The following NWD2 variants were observed in gnomAD, a reference collection of about 807,000 sequenced individuals.
NWD2 encodes the protein NACHT and WD repeat domain containing 2, also known as NACHT and WD repeat domain-containing protein 2.
In NWD2, 37 loss-of-function variants were observed where a neutral mutation model predicts 132.7. The ratio of observed to expected loss-of-function variants is 0.28; its 90% CI spans 0.21 to 0.37. The LOEUF (loss-of-function observed/expected upper bound fraction) is 0.37, where lower values mean the gene tolerates loss of function less well. Ranked by LOEUF, NWD2 falls within the 10% of genes least tolerant of loss-of-function variation. NWD2 has a pLI of 1.00. For synonymous variants in NWD2, 705 were observed against 803.0 expected (o/e 0.88, Z 2.06); for missense variants, 1,592 against 2,122.4 (o/e 0.75, Z 4.91).
chr4:37,339,178 A>G (rs1032676535), intron 2 of NWD2, among the ~76,000 whole-genome samples: 1 of 152,198 alleles, frequency 6.6e-6, no homozygotes, highest in African/African-American at 2.4e-5. Context: ...AGCATGTTAC[A>G]TCATCCTTCT....
chr4:37,330,080 C>T (rs1044416698), intron 2 of NWD2, among the ~76,000 whole-genome samples: 29 of 152,266 alleles, frequency 1.9e-4, no homozygotes, highest in South Asian at 2.1e-4. Context: ...TAAATTAATA[C>T]GCATTTTAAG....
chr4:37,347,389 G>T (rs1237029861), intron 2 of NWD2, among the ~76,000 whole-genome samples: 1 of 151,904 alleles, frequency 6.6e-6, no homozygotes, highest in Non-Finnish European at 1.5e-5. Context: ...TCCCTTTATT[G>T]AATGTAGGAT....
At chr4:37,348,444 C>T (rs1195526206) in intron 2 of NWD2, among the ~76,000 whole-genome samples, 3 of 151,774 alleles carry the variant, frequency 2.0e-5, no homozygotes, top group Non-Finnish European at 2.9e-5. Flanking sequence ...GCAGAGAAGA[C>T]ATGAGGCCCT....
At position 37,356,441 on chromosome 4, in the gene NWD2, C is replaced by A. The variant is rs897015228; in HGVS notation, c.316C>A (p.Leu106Met). Residue 106 changes from leucine (L) to methionine (M), a missense_variant, in exon 3 of 7, where the codon CTG (leucine) becomes ATG (methionine). By Grantham distance (15) the Leu-to-Met change is conservative. Coordinates refer to ENST00000309447, the MANE Select transcript of NWD2 (RefSeq NM_001144990.2). ...GCTCCAGAAGACCCGCATGAAGCTG[C>A]TGGAGAATTGCTTGAAAACTTCTGC... ...PELQKTRMKL[L>M]ENCLKTSAGP... 28 of 1,551,382 alleles carry A rather than the reference C, an allele frequency of 1.8e-5. No individual in the cohort carries two copies. Among genetic ancestry groups the A allele is most frequent in the Non-Finnish European group, 2.4e-5 (28 of 1,146,824 alleles).
At chr4:37,303,834 G>GT (rs571973137) in intron 1 of NWD2, among the ~76,000 whole-genome samples, 1 of 152,242 alleles carries the variant, frequency 6.6e-6, no homozygotes, top group East Asian at 1.9e-4. Flanking sequence ...ATTTAATAGA[G>GT]TTTTTTGTCT....
chr4:37,442,333 C>T (rs1468998210), intron 6 of NWD2, among the ~76,000 whole-genome samples: 1 of 152,156 alleles, frequency 6.6e-6, no homozygotes, highest in Non-Finnish European at 1.5e-5. Context: ...CATATTTCTT[C>T]TTATATTGAC....
At chr4:37,361,695 G>A (rs1228040341) in intron 3 of NWD2, among the ~76,000 whole-genome samples, 6 of 152,114 alleles carry the variant, frequency 3.9e-5, no homozygotes, top group Non-Finnish European at 7.4e-5. Context: ...AGCCATCTAT[G>A]ACAAACCCAC....
chr4:37,300,756 A>G (rs1718597985), intron 1 of NWD2, among the ~76,000 whole-genome samples: 1 of 152,108 alleles, frequency 6.6e-6, no homozygotes, highest in South Asian at 2.1e-4. Context: ...AACAAAGAAT[A>G]AAAATACTCA....
At chr4:37,361,199 A>C (rs1719974918) in intron 3 of NWD2, among the ~76,000 whole-genome samples, 1 of 152,112 alleles carries the variant, frequency 6.6e-6, no homozygotes, top group Non-Finnish European at 1.5e-5. Context: ...ACCAACCAAA[A>C]AAAGCCCGGA....
intron 1 of NWD2, among the ~76,000 whole-genome samples, chr4:37,273,669 A>G (rs541431759): frequency 7.9e-5 from 12 of 152,276 alleles, no homozygotes; most frequent in African/African-American, 2.4e-4. Flanking sequence ...AAAATTGACC[A>G]CATAGTTGGA....
chr4:37,324,063 G>A (rs186302454), intron 1 of NWD2, among the ~76,000 whole-genome samples: 74 of 152,118 alleles, frequency 4.9e-4, no homozygotes, highest in Non-Finnish European at 9.9e-4. Context: ...GGAGAGGGAT[G>A]TGAGTTTAAA....
chr4:37,366,123 T>C (rs1342571181), intron 3 of NWD2, among the ~76,000 whole-genome samples: 1 of 152,142 alleles, frequency 6.6e-6, no homozygotes, highest in Admixed American at 6.5e-5. Flanking sequence ...GGGAGTTTTC[T>C]CCATGAATGC....
At chr4:37,426,602 C>T (rs1350099083) in intron 3 of NWD2, among the ~76,000 whole-genome samples, 2 of 152,186 alleles carry the variant, frequency 1.3e-5, no homozygotes, top group African/African-American at 4.8e-5. Flanking sequence ...GGTCCAGGCT[C>T]TGCCCCTTCA....
chr4:37,341,886 T>C (rs910787265), intron 2 of NWD2, among the ~76,000 whole-genome samples: 2 of 152,226 alleles, frequency 1.3e-5, no homozygotes, highest in Non-Finnish European at 2.9e-5. Flanking sequence ...AGGATCCATC[T>C]GCCTGCAGTG....
intron 2 of NWD2, among the ~76,000 whole-genome samples, chr4:37,334,123 G>C (rs1027120731): frequency 6.6e-6 from 1 of 152,122 alleles, no homozygotes; most frequent in Non-Finnish European, 1.5e-5. Context: ...GATAGAGTGG[G>C]CTAGAAAGTG....
chr4:37,283,961 A>T (rs1718177277), intron 1 of NWD2, among the ~76,000 whole-genome samples: 1 of 152,238 alleles, frequency 6.6e-6, no homozygotes, highest in African/African-American at 2.4e-5. Flanking sequence ...GAAATACTGA[A>T]AACATTTTAT....
intron 1 of NWD2, among the ~76,000 whole-genome samples, chr4:37,309,659 T>C (rs116077613): frequency 0.025 from 3,850 of 152,236 alleles, 171 homozygotes; most frequent in African/African-American, 0.089. Context: ...CTGTGAATAC[T>C]GTAGGGCTCC....
chr4:37,388,443 C>A (rs1350849182), intron 3 of NWD2, among the ~76,000 whole-genome samples: 1 of 152,040 alleles, frequency 6.6e-6, no homozygotes, highest in East Asian at 1.9e-4. Flanking sequence ...CTCAGCATCC[C>A]AAAGTGCTGG....
intron 1 of NWD2, among the ~76,000 whole-genome samples, chr4:37,260,332 G>C (rs79756881): frequency 0.037 from 5,563 of 152,182 alleles, 140 homozygotes; most frequent in East Asian, 0.11. Context: ...TGAGGTGGTT[G>C]ACAAACAGGT....
Sources: allele counts gnomAD v4.1 joint callset (sites outside exome capture counted in the v4.1 genomes callset), GRCh38; gene constraint gnomAD v4.1.1; transcripts MANE v1.5; gene names NCBI Gene and HGNC (gene_info 2026-07-23, HGNC 2026-07-21).